VAMP7: variants seen among roughly 807,000 people sequenced by gnomAD.
The protein encoded by VAMP7 is vesicle-associated membrane protein 7.
VAMP7 carries 14 observed loss-of-function variants against 29.6 expected under a neutral mutation model. The observed-to-expected ratio is 0.47, with a 90% CI of 0.31 to 0.74. The LOEUF is 0.74. VAMP7 is among the 30% of genes least tolerant of loss of function. The pLI is 0.05. For synonymous variants in VAMP7, 95 were observed against 88.1 expected, an observed-to-expected ratio of 1.08 and a Z score of -0.44; for missense variants, 223 against 262.4, an observed-to-expected ratio of 0.85 and a Z score of 1.04.
chrX:155,895,654 A>G lies in VAMP7; in HGVS notation c.178A>G (p.Ile60Val). Residue 60 changes from isoleucine (I) to valine (V), a missense_variant, in exon 3 of 8, where the codon ATT becomes GTT. Ile to Val is a conservative substitution (Grantham distance 29). Coordinates refer to ENST00000286448, the MANE Select transcript of VAMP7 (RefSeq NM_005638.6). The part of the protein sequence containing the change: ...YLFHYICQDR[I>V]VYLCITDDDF... ...GTTTCATTACATCTGCCAAGACAGG[A>G]TTGTATATCTTTGTATCACTGATGA... 6.2e-7 allele frequency: 1 copy of G among 1,610,758 alleles called. No individual in the cohort carries two copies. The highest frequency in any genetic ancestry group is 8.5e-7 in the Non-Finnish European group (1 of 1,177,118).
chrX:155,899,716 G>A (rs2066035491), intron 4 of VAMP7, among the ~76,000 whole-genome samples: 1 of 151,988 alleles, frequency 6.6e-6, no homozygotes, highest in African/African-American at 2.4e-5. Context: ...CCAGTACTTA[G>A]TCAAAAGTAA....
In VAMP7 at chrX:155,942,109, C is replaced by A; in HGVS notation, c.*158C>A. ...TCTTGTTCCATGCCTCCAGGTTTAT[C>A]TTTGTCTTATCTACCAGTTTATTCC... On this transcript the variant is annotated 3_prime_UTR_variant, in exon 8 of 8. Transcript: ENST00000286448. The A allele has an allele frequency of 1.3e-6, 2 of 1,553,452 alleles. No homozygotes were observed. Among genetic ancestry groups the A allele is most frequent in the Non-Finnish European group, 1.7e-6 (2 of 1,147,706 alleles).
intron 6 of VAMP7, among the ~76,000 whole-genome samples, chrX:155,928,042 G>T (rs1221886612): frequency 6.6e-6 from 1 of 151,532 alleles, no homozygotes; most frequent in Non-Finnish European, 1.5e-5. Context: ...CCTTGCCTCA[G>T]CCTCCCAAGT....
Position 155,908,264 on chromosome X carries a change from G to A in VAMP7, c.433+7677G>A, listed in dbSNP as rs755610255. 2.2e-4 allele frequency among the ~76,000 whole-genome samples: 34 copies of A among 152,342 alleles called. 1 individual carries two copies. The South Asian group carries it at 2.9e-3, about 13-fold the overall frequency. On this transcript the variant is annotated intron_variant, in intron 5 of 7. Coordinates refer to ENST00000286448, the MANE Select transcript of VAMP7 (RefSeq NM_005638.6). Reference sequence around the variant, plus strand: ...ATCGCGCCACTGCACTCCAGCCTGGGCACCATTGAGCACTGAGTGAACGAG... The same window carrying A: ...ATCGCGCCACTGCACTCCAGCCTGGACACCATTGAGCACTGAGTGAACGAG...
chrX:155,898,739 G>A (rs778241702), intron 4 of VAMP7, among the ~76,000 whole-genome samples: 35 of 152,028 alleles, frequency 2.3e-4, no homozygotes, highest in African/African-American at 8.4e-4. Flanking sequence ...CACCCTAAAA[G>A]TTCCCTCATA....
intron 5 of VAMP7, among the ~76,000 whole-genome samples, chrX:155,908,556 G>A (rs1183808230): frequency 1.3e-5 from 2 of 151,758 alleles, no homozygotes; most frequent in Admixed American, 1.3e-4. Flanking sequence ...AGACCGTGGG[G>A]AGAGTGAGAG....
chrX:155,926,177 C>A (rs1365368013), intron 6 of VAMP7, among the ~76,000 whole-genome samples: 2 of 152,130 alleles, frequency 1.3e-5, no homozygotes, highest in Admixed American at 1.3e-4. Flanking sequence ...CTGCATTGGT[C>A]CCTAATAAAA....
At chrX:155,905,177 A>AT (rs2066130315) in intron 5 of VAMP7, among the ~76,000 whole-genome samples, 1 of 151,776 alleles carries the variant, frequency 6.6e-6, no homozygotes, top group Admixed American at 6.6e-5. Context: ...GATGTTGAGC[A>AT]TTTTTTCATG....
intron 5 of VAMP7, among the ~76,000 whole-genome samples, chrX:155,916,274 A>T (rs2066311879): frequency 6.6e-6 from 1 of 152,074 alleles, no homozygotes; most frequent in Non-Finnish European, 1.5e-5. Flanking sequence ...GGGTCTCCTG[A>T]ATGCAGCACA....
intron 6 of VAMP7, among the ~76,000 whole-genome samples, chrX:155,933,440 A>G (rs2066595835): frequency 6.6e-6 from 1 of 152,094 alleles, no homozygotes; most frequent in African/African-American, 2.4e-5. Flanking sequence ...GGGAGGGTGT[A>G]TGTGTCAAGG....
rs1365545220 is a variant in VAMP7, at chrX:155,941,379, A to G, written c.595-504A>G. 2.0e-5 allele frequency among the ~76,000 whole-genome samples: 3 copies of G among 152,242 alleles called. No homozygotes were observed. In the East Asian group the frequency reaches 5.8e-4, roughly 29 times the overall value. ...TTTTGGTCATCGTAATTATTGTGTC[A>G]TTATCCACTGAACAGTTCGTAGCAG... On this transcript the variant is annotated intron_variant, in intron 7 of 7. Coordinates refer to ENST00000286448, the MANE Select transcript of VAMP7 (RefSeq NM_005638.6).
At position 155,943,240 on chromosome X, in the gene VAMP7, T is replaced by C. The variant is rs181771499; in HGVS notation, c.*1289T>C. 10 of 151,828 alleles carry C rather than the reference T, an allele frequency of 6.6e-5. No homozygotes were observed. Among genetic ancestry groups the C allele is most frequent in the African/African-American group, 2.4e-4 (10 of 41,240 alleles). 9.4% of individuals were successfully genotyped at this position (151,828 alleles called of 1,614,324 possible). ...ATTAAATTGAAATTATATTACATTT[T>C]ACACTTTCTCAATGAATGAACAAAT... On this transcript the variant is annotated 3_prime_UTR_variant, in exon 8 of 8. Transcript: ENST00000286448.
At chrX:155,931,572 T>C (rs1454499961) in intron 6 of VAMP7, among the ~76,000 whole-genome samples, 2 of 152,228 alleles carry the variant, frequency 1.3e-5, no homozygotes, top group Non-Finnish European at 2.9e-5. Flanking sequence ...GTTTCTTTTC[T>C]TATAAATTTG....
chrX:155,889,465 C>G lies in VAMP7; in HGVS notation c.-2C>G. 6.2e-7 allele frequency: 1 copy of G among 1,612,772 alleles called. No individual in the cohort carries two copies. Among genetic ancestry groups the G allele is most frequent in the Non-Finnish European group, 8.5e-7 (1 of 1,179,298 alleles). On this transcript the variant is annotated 5_prime_UTR_variant, in exon 2 of 8. Transcript: ENST00000286448. The stretch of plus-strand genomic sequence containing the variant: ...TCTTTTTCCTTTTGATAGACTGAAG[C>G]CATGGCGATTCTTTTTGCTGTTGTT...
intron 6 of VAMP7, among the ~76,000 whole-genome samples, chrX:155,930,080 C>T (rs1176213135): frequency 6.6e-6 from 1 of 152,180 alleles, no homozygotes; most frequent in Non-Finnish European, 1.5e-5. Context: ...GGAGTCAGGA[C>T]ACGTTGCTCT....
intron 6 of VAMP7, among the ~76,000 whole-genome samples, chrX:155,921,695 C>G (rs942868410): frequency 2.8e-4 from 42 of 152,048 alleles, no homozygotes; most frequent in Non-Finnish European, 5.0e-4. Flanking sequence ...CAGTACCACA[C>G]TGTGTTGATT....
chrX:155,882,735 A>G (rs956862910), intron 1 of VAMP7, among the ~76,000 whole-genome samples: 4 of 152,220 alleles, frequency 2.6e-5, no homozygotes, highest in Admixed American at 1.3e-4. Context: ...ATATAAAGTT[A>G]TCTACCATTT....
chrX:155,916,148 G>A (rs2066309563), intron 5 of VAMP7, among the ~76,000 whole-genome samples: 1 of 152,120 alleles, frequency 6.6e-6, no homozygotes, highest in African/African-American at 2.4e-5. Flanking sequence ...TTGGTTTAAA[G>A]TCTGTTTTAT....
At chrX:155,939,059 A>G (rs1230960181) in intron 6 of VAMP7, among the ~76,000 whole-genome samples, 3 of 115,654 alleles carry the variant, frequency 2.6e-5, no homozygotes, top group African/African-American at 1.0e-4. Context: ...ATTTTTTTAT[A>G]TGTCTTTTGG....
Sources: gnomAD v4.1 joint callset for allele counts (sites outside exome capture counted in the v4.1 genomes callset) on GRCh38, gnomAD v4.1.1 for gene constraint, MANE v1.5 for transcripts, NCBI Gene and HGNC (gene_info 2026-07-23, HGNC 2026-07-21) for gene names.